Variants in SHB observed in about 807,000 individuals in gnomAD.
The protein encoded by SHB is SH2 domain containing adaptor protein B.
A neutral mutation model predicts 52.3 loss-of-function variants in SHB; 20 were observed. That is an observed-to-expected ratio of 0.38 (90% CI 0.27 to 0.56). SHB has a LOEUF of 0.56. Ranked by LOEUF, SHB falls within the 20% of genes least tolerant of loss-of-function variation. The pLI, the probability that SHB is intolerant of heterozygous loss-of-function variation, is 0.71. For missense variants in SHB, 825 were observed against 723.3 expected (o/e 1.14, Z -1.61); for synonymous variants, 397 against 316.5 (o/e 1.25, Z -2.70).
rs1832694883 is a variant in SHB, at chr9:37,961,816, TCCTGGCACTGG to T, written c.1055-5773_1055-5763del. 4.6e-5 allele frequency among the ~76,000 whole-genome samples: 7 copies of T among 152,232 alleles called. 1 individual carries two copies. In the South Asian group the frequency reaches 1.4e-3, roughly 32 times the overall value. On this transcript the variant is annotated intron_variant, in intron 3 of 5. Transcript: ENST00000377707. ...CTGAGCTCCAAAGTCTGCACCACTG[TCCTGGCACTGG>T]CCTCTGCAACACTGAGGCATGTAGG...
chr9:38,006,980 G>A (rs992042479), intron 2 of SHB, among the ~76,000 whole-genome samples: 5 of 152,126 alleles, frequency 3.3e-5, no homozygotes, highest in African/African-American at 7.2e-5. Context: ...TTGATAACCC[G>A]GAGCCACAGC....
intron 5 of SHB, among the ~76,000 whole-genome samples, chr9:37,942,281 A>G (rs1175398455): frequency 6.6e-6 from 1 of 152,234 alleles, no homozygotes; most frequent in Non-Finnish European, 1.5e-5. Flanking sequence ...TCTGAAGGAC[A>G]GGAGGCAAGT....
intron 5 of SHB, among the ~76,000 whole-genome samples, chr9:37,923,375 C>T (rs74600735): frequency 0.011 from 1,750 of 152,330 alleles, 26 homozygotes; most frequent in East Asian, 0.075. Flanking sequence ...ACACAAGGGG[C>T]TGTGCCGAGG....
intron 3 of SHB, among the ~76,000 whole-genome samples, chr9:37,970,412 G>A (rs934666712): frequency 5.9e-5 from 9 of 152,112 alleles, no homozygotes; most frequent in Admixed American, 1.3e-4. Context: ...TGAGCCTTCC[G>A]CGGTGGCAGC....
intron 2 of SHB, among the ~76,000 whole-genome samples, chr9:38,009,518 G>C (rs1821111376): frequency 1.3e-5 from 2 of 152,262 alleles, no homozygotes; most frequent in South Asian, 4.1e-4. Context: ...ACCTGCCCAA[G>C]GGCAGAGCCA....
At chr9:38,008,916 A>G (rs979977067) in intron 2 of SHB, among the ~76,000 whole-genome samples, 1 of 152,220 alleles carries the variant, frequency 6.6e-6, no homozygotes, top group Admixed American at 6.5e-5. Flanking sequence ...TCCTGGGAGC[A>G]GAGTCCACGG....
At chr9:38,010,599 C>T (rs141648448) in intron 2 of SHB, among the ~76,000 whole-genome samples, 76 of 152,320 alleles carry the variant, frequency 5.0e-4, no homozygotes, top group African/African-American at 1.8e-3. Flanking sequence ...CCTCCCACAA[C>T]CCACTCTACT....
At chr9:38,022,080 C>T (rs1206532662) in intron 1 of SHB, among the ~76,000 whole-genome samples, 1 of 152,208 alleles carries the variant, frequency 6.6e-6, no homozygotes, top group Non-Finnish European at 1.5e-5. Context: ...CCAGTCAGAC[C>T]ATTTTCTCAC....
chr9:37,987,908 C>G (rs1820831386), intron 2 of SHB, among the ~76,000 whole-genome samples: 1 of 151,982 alleles, frequency 6.6e-6, no homozygotes, highest in African/African-American at 2.4e-5. Flanking sequence ...AGCCAGGGTC[C>G]TCTGCTGGGG....
intron 2 of SHB, among the ~76,000 whole-genome samples, chr9:38,009,512 G>A (rs1225523932): frequency 6.6e-6 from 1 of 152,262 alleles, no homozygotes; most frequent in Non-Finnish European, 1.5e-5. Flanking sequence ...GAAGCAACCT[G>A]CCCAAGGGCA....
At position 38,068,157 on chromosome 9, in the gene SHB, G is replaced by A; in HGVS notation, c.489C>T (p.Arg163=). ...TGGCGGGCCGCCGCTCGCTGCTGCT[G>A]CGGTAGAGATGCGGAGAGCCGGAGG... ...SSSSGSPHLY[R]SSSERRPATP... The change falls in exon 1 of 6, where the codon CGC becomes CGT. Residue 163 remains arginine (R), a synonymous_variant. Transcript: ENST00000377707. The A allele has an allele frequency of 6.9e-7, 1 of 1,444,068 alleles. No individual in the cohort carries two copies. Among genetic ancestry groups the A allele is most frequent in the Non-Finnish European group, 9.0e-7 (1 of 1,111,382 alleles). 89.5% of individuals were successfully genotyped at this position (1,444,068 alleles called of 1,614,324 possible). A position where few individuals can be genotyped will look rare whatever the true frequency, so the allele number is the denominator to read the frequency against.
chr9:37,951,400 A>G (rs548941097), intron 4 of SHB, among the ~76,000 whole-genome samples: 1 of 152,396 alleles, frequency 6.6e-6, no homozygotes, highest in Admixed American at 6.5e-5. Context: ...GGTCCATGTT[A>G]TGCTTTAGAA....
In SHB at chr9:37,948,677, C is replaced by T. The variant is rs759322301; in HGVS notation, c.1304G>A (p.Arg435Gln). The T allele has an allele frequency of 4.3e-6, 7 of 1,613,896 alleles. No homozygotes were observed. Among genetic ancestry groups the T allele is most frequent in the Non-Finnish European group, 5.9e-6 (7 of 1,179,998 alleles). ...GTCATGCTTGCTGGTCTGGCTGTTCCGGACAAGGTAGCTACACTCCTTGCA... is the reference window on the plus strand; with the variant it reads ...GTCATGCTTGCTGGTCTGGCTGTTCTGGACAAGGTAGCTACACTCCTTGCA... ...RLCKECSYLV[R>Q]NSQTSKHDYS... is the part of the protein sequence containing the mutation. The change falls in exon 5 of 6, where the codon CGG (arginine) becomes CAG (glutamine). Residue 435 changes from arginine (R) to glutamine (Q), a missense_variant. Coordinates refer to ENST00000377707, the MANE Select transcript of SHB (RefSeq NM_003028.3).
chr9:37,989,146 G>T (rs967590088), intron 2 of SHB, among the ~76,000 whole-genome samples: 1 of 151,780 alleles, frequency 6.6e-6, no homozygotes, highest in African/African-American at 2.4e-5. Context: ...CCTAATACAT[G>T]CCTCTATGGA....
At chr9:38,067,359 C>T (rs1338058388) in intron 1 of SHB, among the ~76,000 whole-genome samples, 1 of 152,112 alleles carries the variant, frequency 6.6e-6, no homozygotes, top group Non-Finnish European at 1.5e-5. Context: ...CCCGGAGCAG[C>T]TCCGGTACCA....
intron 1 of SHB, among the ~76,000 whole-genome samples, chr9:38,057,269 A>G (rs913487310): frequency 1.1e-4 from 16 of 152,248 alleles, no homozygotes; most frequent in Non-Finnish European, 1.8e-4. Flanking sequence ...GTTTAAAAAA[A>G]TATAGACGGT....
chr9:38,038,808 T>C (rs1821525278), intron 1 of SHB, among the ~76,000 whole-genome samples: 1 of 151,634 alleles, frequency 6.6e-6, no homozygotes, highest in African/African-American at 2.4e-5. Context: ...AGAAACTGGG[T>C]GTTGGGGAGT....
At chr9:38,057,726 T>C (rs1821839528) in intron 1 of SHB, among the ~76,000 whole-genome samples, 1 of 152,208 alleles carries the variant, frequency 6.6e-6, no homozygotes, top group Non-Finnish European at 1.5e-5. Flanking sequence ...TTTCTGATGA[T>C]TTTCATTTTT....
chr9:37,967,966 T>C (rs1039682102), intron 3 of SHB, among the ~76,000 whole-genome samples: 1 of 152,202 alleles, frequency 6.6e-6, no homozygotes, highest in Non-Finnish European at 1.5e-5. Context: ...TCGTTAGAAC[T>C]GTTGCTGGAA....
Sources: gnomAD v4.1 joint callset for allele counts (sites outside exome capture counted in the v4.1 genomes callset) on GRCh38, gnomAD v4.1.1 for gene constraint, MANE v1.5 for transcripts, NCBI Gene and HGNC (gene_info 2026-07-23, HGNC 2026-07-21) for gene names.